Variants in ENTREP2 observed in about 807,000 individuals in gnomAD.
ENTREP2 encodes endosomal transmembrane epsin interactor 2, also known as protein ENTREP2.
the ENTREP2 span, among the ~76,000 whole-genome samples, chr15:29,335,017 A>C: frequency 5.9e-5 from 9 of 152,170 alleles, no homozygotes; most frequent in African/African-American, 2.2e-4. Flanking sequence ...CCCAGCCAAC[A>C]GTGGGAACCA....
the ENTREP2 span, among the ~76,000 whole-genome samples, chr15:29,496,392 A>C: frequency 1.3e-5 from 2 of 151,600 alleles, no homozygotes; most frequent in Admixed American, 1.3e-4. Flanking sequence ...TAAATAAATA[A>C]AATAAAATAA....
chr15:29,640,603 C>T, the ENTREP2 span, among the ~76,000 whole-genome samples: 2,586 of 151,682 alleles, frequency 0.017, 65 homozygotes, highest in African/African-American at 0.06. Flanking sequence ...GTCAAGGCTG[C>T]AGTGAGACTG....
chr15:29,136,651 G>A, the ENTREP2 span: 10 of 803,320 alleles, frequency 1.2e-5, no homozygotes, highest in Middle Eastern at 3.4e-4. Context: ...GTCACTGGGC[G>A]ATTTGCACTT....
the ENTREP2 span, among the ~76,000 whole-genome samples, chr15:29,514,665 T>C: frequency 6.6e-6 from 1 of 152,184 alleles, no homozygotes; most frequent in African/African-American, 2.4e-5. Context: ...TTAGTCTATT[T>C]CCTGGCACTA....
chr15:29,129,542 G>A, the ENTREP2 span, among the ~76,000 whole-genome samples: 1 of 152,158 alleles, frequency 6.6e-6, no homozygotes, highest in Non-Finnish European at 1.5e-5. Context: ...GAGTCCAGTG[G>A]TGCAATCATA....
At chr15:29,261,977 AAAGT>A in the ENTREP2 span, among the ~76,000 whole-genome samples, 1 of 151,742 alleles carries the variant, frequency 6.6e-6, no homozygotes, top group Admixed American at 6.5e-5. Context: ...AAGGAAACAT[AAAGT>A]AATTAAATCA....
At chr15:29,436,349 A>T in the ENTREP2 span, among the ~76,000 whole-genome samples, 1 of 152,210 alleles carries the variant, frequency 6.6e-6, no homozygotes, top group South Asian at 2.1e-4. Context: ...CCTCCAGAGG[A>T]CATGGACTTC....
chr15:29,315,648 C>T, the ENTREP2 span, among the ~76,000 whole-genome samples: 5 of 152,138 alleles, frequency 3.3e-5, no homozygotes, highest in Non-Finnish European at 4.4e-5. Flanking sequence ...CCTCTCTAAC[C>T]GGAAAGTTGA....
At chr15:29,227,074 G>A in the ENTREP2 span, among the ~76,000 whole-genome samples, 174 of 152,220 alleles carry the variant, frequency 1.1e-3, no homozygotes, top group Non-Finnish European at 1.9e-3. Flanking sequence ...GCCCCGTGCT[G>A]GACACTCAGA....
the ENTREP2 span, among the ~76,000 whole-genome samples, chr15:29,312,123 A>G: frequency 6.6e-6 from 1 of 152,242 alleles, no homozygotes; most frequent in Admixed American, 6.5e-5. Flanking sequence ...ATTAACAAAG[A>G]AAAACTAACT....
At chr15:29,316,606 G>T in the ENTREP2 span, among the ~76,000 whole-genome samples, 1 of 152,194 alleles carries the variant, frequency 6.6e-6, no homozygotes, top group African/African-American at 2.4e-5. Context: ...GGGAGAAGTG[G>T]TGGGGTACTG....
chr15:29,429,280 G>A, the ENTREP2 span, among the ~76,000 whole-genome samples: 1 of 152,242 alleles, frequency 6.6e-6, no homozygotes, highest in East Asian at 1.9e-4. Flanking sequence ...GGAATGCACT[G>A]GTGCGATCTT....
At chr15:29,590,705 G>C in the ENTREP2 span, among the ~76,000 whole-genome samples, 1 of 105,390 alleles carries the variant, frequency 9.5e-6, no homozygotes, top group Admixed American at 9.6e-5. Flanking sequence ...AAAAAAAAAA[G>C]AAAAAGAAAA....
chr15:29,293,225 G>A, the ENTREP2 span, among the ~76,000 whole-genome samples: 4 of 151,754 alleles, frequency 2.6e-5, no homozygotes, highest in African/African-American at 9.7e-5. Flanking sequence ...CTCAACTCCC[G>A]TTACCTCAAA....
At chr15:29,235,825 A>T in the ENTREP2 span, among the ~76,000 whole-genome samples, 4 of 152,052 alleles carry the variant, frequency 2.6e-5, no homozygotes, top group Admixed American at 2.6e-4. Flanking sequence ...TTAGCTGGGC[A>T]TGGTGGCGGG....
At chr15:29,563,207 A>T in the ENTREP2 span, among the ~76,000 whole-genome samples, 1 of 151,970 alleles carries the variant, frequency 6.6e-6, no homozygotes, top group African/African-American at 2.4e-5. Flanking sequence ...TTATTTTAGG[A>T]AGGTTTTCTT....
At chr15:29,129,676 T>C in the ENTREP2 span, among the ~76,000 whole-genome samples, 148,041 of 152,182 alleles carry the variant, frequency 0.97, 72,136 homozygotes, top group East Asian at 1. Flanking sequence ...GGATATACTC[T>C]GATTCCGCCT....
the ENTREP2 span, among the ~76,000 whole-genome samples, chr15:29,617,924 C>T: frequency 2.0e-5 from 3 of 152,214 alleles, no homozygotes; most frequent in Non-Finnish European, 4.4e-5. Context: ...TTCCACAGCC[C>T]TTTTCCTCAT....
At chr15:29,628,997 G>A in the ENTREP2 span, among the ~76,000 whole-genome samples, 149 of 152,260 alleles carry the variant, frequency 9.8e-4, no homozygotes, top group African/African-American at 3.5e-3. Flanking sequence ...TGCTCTACCC[G>A]CCTCGGCCTC....
Sources: allele counts gnomAD v4.1 joint callset (sites outside exome capture counted in the v4.1 genomes callset), GRCh38; gene constraint gnomAD v4.1.1; transcripts MANE v1.5; gene names NCBI Gene and HGNC (gene_info 2026-07-23, HGNC 2026-07-21).